SV2B: variants seen among roughly 807,000 people sequenced by gnomAD.
The protein encoded by SV2B is solute carrier family 22 member B2.
SV2B carries 41 observed loss-of-function variants against 73.9 expected under a neutral mutation model. The observed-to-expected ratio is 0.56, with a 90% CI of 0.43 to 0.72. The LOEUF is 0.72. Among genes scored for constraint, SV2B ranks in the 30% least tolerant of loss-of-function variants. SV2B has a pLI of 0.00. For missense variants in SV2B, 764 were observed against 857.8 expected, an observed-to-expected ratio of 0.89 and a Z score of 1.37; for synonymous variants, 314 against 314.2, an observed-to-expected ratio of 1.00 and a Z score of 0.01.
Position 91,258,505 on chromosome 15 carries a change from C to G in SV2B, c.869C>G (p.Ser290Cys). ...GTCTGTGCTCTGCCCTGCACCGTGT[C>G]CATGGTGGCCCTGAAGTTCATGCCA... ...VIVCALPCTVSMVALKFMPES... is the reference protein window; with the variant it reads ...VIVCALPCTVCMVALKFMPES... Residue 290 changes from serine to cysteine, a missense_variant, in exon 5 of 13, where the codon TCC becomes TGC. Transcript: ENST00000394232. This position sits in a 1 kb window ranked among gnomAD's most constrained non-coding sequence, Gnocchi z 4.7. 6.2e-7 allele frequency: 1 copy of G among 1,614,102 alleles called. No homozygotes were observed. The highest frequency in any genetic ancestry group is 1.6e-4 in the Middle Eastern group (1 of 6,062).
At chr15:91,164,241 A>G (rs1255111084) in intron 1 of SV2B, among the ~76,000 whole-genome samples, 1 of 152,208 alleles carries the variant, frequency 6.6e-6, no homozygotes, top group Non-Finnish European at 1.5e-5. Flanking sequence ...CAGAACTGGA[A>G]AAAACTACTT....
chr15:91,255,264 G>A (rs2047644134), intron 4 of SV2B, among the ~76,000 whole-genome samples: 1 of 152,246 alleles, frequency 6.6e-6, no homozygotes, highest in Non-Finnish European at 1.5e-5. Flanking sequence ...GTCCATGGCA[G>A]AGGGGCCCCA....
intron 1 of SV2B, among the ~76,000 whole-genome samples, chr15:91,109,569 C>T (rs961309809): frequency 6.6e-6 from 1 of 152,108 alleles, no homozygotes; most frequent in Admixed American, 6.5e-5. Context: ...CCTGAGTGAG[C>T]GTGATTTGTT....
intron 1 of SV2B, among the ~76,000 whole-genome samples, chr15:91,117,626 A>G (rs1343172553): frequency 6.6e-6 from 1 of 152,214 alleles, no homozygotes; most frequent in Non-Finnish European, 1.5e-5. Flanking sequence ...GCAGGAGGAC[A>G]TGAGGAATGT....
intron 1 of SV2B, among the ~76,000 whole-genome samples, chr15:91,189,602 A>G (rs983614773): frequency 1.3e-5 from 2 of 152,322 alleles, no homozygotes; most frequent in South Asian, 4.1e-4. Flanking sequence ...CTCACACATA[A>G]ATTTGGTAAG....
At chr15:91,180,930 T>C (rs1182770425) in intron 1 of SV2B, among the ~76,000 whole-genome samples, 8 of 152,378 alleles carry the variant, frequency 5.3e-5, no homozygotes, top group East Asian at 3.9e-4. Flanking sequence ...GTTCCGTTGC[T>C]GGTGAGGAAC....
Position 91,292,106 on chromosome 15 carries a change from AC to A in SV2B, c.1869-262del, listed in dbSNP as rs199855069. 3.6e-4 allele frequency among the ~76,000 whole-genome samples: 54 copies of A among 150,974 alleles called. No individual in the cohort carries two copies. The South Asian group carries it at 6.3e-3, about 18-fold the overall frequency. ...TTAAATAGATATCTTTGAAAAAAAA[AC>A]AAAAAAGAAAAACACTTGAAGAAAA... On this transcript the variant is annotated intron_variant, in intron 12 of 12. Coordinates refer to ENST00000394232, the MANE Select transcript of SV2B (RefSeq NM_001323032.3).
rs578118730 is a variant in SV2B at position 91,271,067 on chromosome 15, A to G, written c.1373+2462A>G. Among the ~76,000 whole-genome samples, 343 of 77,638 alleles carry G rather than the reference A, an allele frequency of 4.4e-3. 17 individuals are homozygous for G. The highest frequency in any genetic ancestry group is 0.031 in the Middle Eastern group (3 of 98). 50.9% of individuals were successfully genotyped at this position (77,638 alleles called of 152,430 possible). On this transcript the variant is annotated intron_variant, in intron 9 of 12. Coordinates refer to ENST00000394232, the MANE Select transcript of SV2B (RefSeq NM_001323032.3). The stretch of plus-strand genomic sequence containing the variant: ...GTCCTGTGGATGATGGGCAGACGGT[A>G]AGTCCTGTGGATGATGTTGTGGATG...
At chr15:91,237,353 C>T (rs1003022277) in intron 2 of SV2B, among the ~76,000 whole-genome samples, 1 of 152,208 alleles carries the variant, frequency 6.6e-6, no homozygotes, top group Non-Finnish European at 1.5e-5. Context: ...GCCTGTAGCA[C>T]CCTGCTCCCA....
chr15:91,267,281 C>T lies in SV2B; in HGVS notation c.1120-274C>T, dbSNP rs1353365673. ...TCAAGGTTACTCAGTGCCTTGAAGT[C>T]CTAACTCAGTGTGCTTTCAATCACA... is the stretch of plus-strand genomic sequence containing the variant. On this transcript the variant is annotated intron_variant, in intron 7 of 12. Transcript: ENST00000394232. The surrounding 1 kb of genome is among the most constrained non-coding windows in gnomAD (Gnocchi z 4.3). Among the ~76,000 whole-genome samples, 2 of 152,180 alleles carry T rather than the reference C, an allele frequency of 1.3e-5. No individual in the cohort carries two copies. Among genetic ancestry groups the T allele is most frequent in the African/African-American group, 4.8e-5 (2 of 41,438 alleles).
rs2047503537 is a variant in SV2B at position 91,251,972 on chromosome 15, T to C, written c.605T>C (p.Leu202Pro). 6.2e-7 allele frequency: 1 copy of C among 1,613,940 alleles called. No individual in the cohort carries two copies. The highest frequency in any genetic ancestry group is 8.5e-7 in the Non-Finnish European group (1 of 1,180,004). The change falls in exon 3 of 13, where the codon CTC becomes CCC. Residue 202 changes from leucine (L) to proline (P), a missense_variant. Coordinates refer to ENST00000394232, the MANE Select transcript of SV2B (RefSeq NM_001323032.3). The part of the protein sequence containing the change: ...SSFVQGYGAF[L>P]FCRLISGIGI... The stretch of plus-strand genomic sequence containing the variant: ...TTCGTGCAGGGATATGGAGCCTTCC[T>C]CTTCTGCCGACTCATCTCAGGCATC...
intron 1 of SV2B, among the ~76,000 whole-genome samples, chr15:91,200,731 A>G (rs925251057): frequency 6.6e-6 from 1 of 152,076 alleles, no homozygotes; most frequent in African/African-American, 2.4e-5. Flanking sequence ...CAGCATAGTG[A>G]GACCTCATCT....
At chr15:91,111,679 G>T (rs779373991) in intron 1 of SV2B, among the ~76,000 whole-genome samples, 7 of 152,126 alleles carry the variant, frequency 4.6e-5, no homozygotes, top group Non-Finnish European at 7.4e-5. Context: ...GTATTAGTCT[G>T]TTCTTTCATT....
At chr15:91,216,179 A>G (rs2046018804) in intron 1 of SV2B, among the ~76,000 whole-genome samples, 1 of 152,206 alleles carries the variant, frequency 6.6e-6, no homozygotes, top group Non-Finnish European at 1.5e-5. Context: ...ATGCCAGCCA[A>G]ATAAGCCCTG....
At chr15:91,183,869 T>A (rs1307727938) in intron 1 of SV2B, among the ~76,000 whole-genome samples, 1 of 152,224 alleles carries the variant, frequency 6.6e-6, no homozygotes, top group African/African-American at 2.4e-5. Flanking sequence ...TGAATTTTCC[T>A]CCTGGCTTTT....
At chr15:91,166,535 T>A (rs924062489) in intron 1 of SV2B, among the ~76,000 whole-genome samples, 3 of 151,984 alleles carry the variant, frequency 2.0e-5, no homozygotes, top group Non-Finnish European at 2.9e-5. Context: ...TGTTAAAAAA[T>A]TTTTTCAGCA....
chr15:91,154,960 TGA>T (rs2043438485), intron 1 of SV2B, among the ~76,000 whole-genome samples: 1 of 152,186 alleles, frequency 6.6e-6, no homozygotes, highest in Non-Finnish European at 1.5e-5. Context: ...ACTTGTTTAC[TGA>T]TGACTCAGTA....
chr15:91,133,569 T>C lies in SV2B; in HGVS notation c.-392+33206T>C, dbSNP rs143823524. Among the ~76,000 whole-genome samples the C allele has an allele frequency of 2.3e-3, 350 of 152,190 alleles. 2 individuals are homozygous for C. The highest frequency in any genetic ancestry group is 8.0e-3 in the African/African-American group (331 of 41,508). On this transcript the variant is annotated intron_variant, in intron 1 of 12. Coordinates refer to ENST00000394232, the MANE Select transcript of SV2B (RefSeq NM_001323032.3). ...GCAGATGTCAATTTATTGAGCCCTG[T>C]GAGGGTCTGCAGAAAATGCCCAGGC... is the stretch of plus-strand genomic sequence containing the variant.
chr15:91,117,906 C>T lies in SV2B; in HGVS notation c.-392+17543C>T, dbSNP rs564520824. Among the ~76,000 whole-genome samples the T allele has an allele frequency of 3.2e-4, 48 of 152,178 alleles. 1 individual carries two copies. The highest frequency in any genetic ancestry group is 1.1e-3 in the African/African-American group (45 of 41,496). ...GTTGAGTGGGACTTTTTTATTGCCC[C>T]GAATGGGCATTCAGATTGCAAAGCT... On this transcript the variant is annotated intron_variant, in intron 1 of 12. Transcript: ENST00000394232.
Sources: allele counts gnomAD v4.1 joint callset (sites outside exome capture counted in the v4.1 genomes callset), GRCh38; gene constraint gnomAD v4.1.1; non-coding constraint Gnocchi (gnomAD v3.1); transcripts MANE v1.5; gene names NCBI Gene and HGNC (gene_info 2026-07-23, HGNC 2026-07-21).